MAGI2: variants seen among roughly 807,000 people sequenced by gnomAD.
The protein encoded by MAGI2 is membrane associated guanylate kinase, WW and PDZ domain containing 2.
MAGI2 carries 35 observed loss-of-function variants against 133.3 expected under a neutral mutation model. The ratio of observed to expected loss-of-function variants is 0.26; its 90% CI spans 0.20 to 0.35. The LOEUF is 0.35. Ranked by LOEUF, MAGI2 falls within the 10% of genes least tolerant of loss-of-function variation. The probability of loss-of-function intolerance (pLI) is 1.00; values close to 1 mark genes in which losing one functional copy is unlikely to be tolerated. For missense variants in MAGI2, 1,636 were observed against 1,863.4 expected (o/e 0.88, Z 2.25); for synonymous variants, 729 against 710.6 (o/e 1.03, Z -0.41).
intron 1 of MAGI2, among the ~76,000 whole-genome samples, chr7:79,193,079 C>T (rs1037042112): frequency 1.3e-5 from 2 of 151,886 alleles, no homozygotes; most frequent in African/African-American, 2.4e-5. Context: ...CCACAAAGTG[C>T]TGGGATTACA....
At chr7:78,277,256 A>G (rs1210982630) in intron 9 of MAGI2, among the ~76,000 whole-genome samples, 1 of 152,230 alleles carries the variant, frequency 6.6e-6, no homozygotes, top group African/African-American at 2.4e-5. Context: ...ATCATAATTT[A>G]TTATGATTCA....
intron 6 of MAGI2, among the ~76,000 whole-genome samples, chr7:78,437,685 A>T (rs1470143861): frequency 6.6e-6 from 1 of 152,192 alleles, no homozygotes; most frequent in Non-Finnish European, 1.5e-5. Flanking sequence ...GAGCCCTAGG[A>T]ATAAATTTCA....
At chr7:79,276,881 C>T (rs1835266207) in intron 1 of MAGI2, among the ~76,000 whole-genome samples, 1 of 152,010 alleles carries the variant, frequency 6.6e-6, no homozygotes, top group African/African-American at 2.4e-5. Context: ...AGGAGGATTG[C>T]TTGAGCCAAG....
At chr7:78,222,933 T>C (rs1788976551) in intron 10 of MAGI2, among the ~76,000 whole-genome samples, 1 of 152,114 alleles carries the variant, frequency 6.6e-6, no homozygotes, top group African/African-American at 2.4e-5. Flanking sequence ...ACCACACCCA[T>C]AAAAGTTACC....
chr7:78,699,782 G>A (rs1817881255), intron 2 of MAGI2, among the ~76,000 whole-genome samples: 1 of 151,878 alleles, frequency 6.6e-6, no homozygotes, highest in Non-Finnish European at 1.5e-5. Flanking sequence ...GAAATTTCTT[G>A]TCTTTAGTTT....
chr7:78,382,610 T>C (rs1034496163), intron 6 of MAGI2, among the ~76,000 whole-genome samples: 10 of 152,110 alleles, frequency 6.6e-5, no homozygotes, highest in African/African-American at 2.2e-4. Context: ...ATATAATGCA[T>C]AGTGATCAAG....
intron 1 of MAGI2, among the ~76,000 whole-genome samples, chr7:79,113,813 C>CACAT (rs1475711073): frequency 6.7e-6 from 1 of 149,942 alleles, no homozygotes; most frequent in East Asian, 2.0e-4. Flanking sequence ...CACACGCTTA[C>CACAT]ACACACACAC....
At chr7:78,297,816 CTG>C (rs1797422601) in intron 9 of MAGI2, among the ~76,000 whole-genome samples, 2 of 111,464 alleles carry the variant, frequency 1.8e-5, no homozygotes, top group Admixed American at 1.2e-4. Context: ...ATATCACACT[CTG>C]GGGACTGTTG....
chr7:78,353,142 T>C (rs1221920186), intron 7 of MAGI2, among the ~76,000 whole-genome samples: 3 of 152,232 alleles, frequency 2.0e-5, no homozygotes, highest in Non-Finnish European at 4.4e-5. Flanking sequence ...TGCTTCTAGA[T>C]TGAGTGAAAG....
intron 6 of MAGI2, among the ~76,000 whole-genome samples, chr7:78,375,796 TTG>T (rs1491070795): frequency 6.6e-6 from 1 of 151,334 alleles, no homozygotes; most frequent in Non-Finnish European, 1.5e-5. Context: ...CTAAATTTTC[TTG>T]TAAAAGTTAT....
intron 1 of MAGI2, among the ~76,000 whole-genome samples, chr7:79,368,705 G>C (rs958472300): frequency 1.2e-4 from 18 of 151,222 alleles, no homozygotes; most frequent in African/African-American, 4.4e-4. Context: ...AAAATTAGCC[G>C]GGCGTAGTGG....
intron 6 of MAGI2, among the ~76,000 whole-genome samples, chr7:78,400,456 G>A (rs1410638971): frequency 6.6e-6 from 1 of 152,082 alleles, no homozygotes; most frequent in African/African-American, 2.4e-5. Context: ...GTACAGATCT[G>A]ATTTTTAAAT....
chr7:78,755,091 T>C (rs1823815161), intron 2 of MAGI2, among the ~76,000 whole-genome samples: 1 of 152,220 alleles, frequency 6.6e-6, no homozygotes, highest in Non-Finnish European at 1.5e-5. Flanking sequence ...ATGTTCCACA[T>C]ATTATTACTT....
intron 2 of MAGI2, among the ~76,000 whole-genome samples, chr7:78,888,789 C>T (rs6949627): frequency 0.49 from 74,105 of 151,860 alleles, 19,621 homozygotes; most frequent in South Asian, 0.68. Flanking sequence ...AAAAACAGAG[C>T]AGAAAAACTG....
intron 9 of MAGI2, among the ~76,000 whole-genome samples, chr7:78,313,341 T>C (rs1798881692): frequency 6.6e-6 from 1 of 151,726 alleles, no homozygotes; most frequent in Admixed American, 6.6e-5. Context: ...CCTAAATATA[T>C]AAAAATAAAA....
chr7:78,019,509 G>A lies in MAGI2; in HGVS notation c.4174C>T (p.Pro1392Ser), dbSNP rs960809969. The A allele has an allele frequency of 1.2e-4, 122 of 980,086 alleles. No homozygotes were observed. The highest frequency in any genetic ancestry group is 2.5e-4 in the Admixed American group (4 of 15,700). 60.7% of individuals were successfully genotyped at this position (980,086 alleles called of 1,614,324 possible). A position where few individuals can be genotyped will look rare whatever the true frequency, so the allele number is the denominator to read the frequency against. Reference protein sequence around the residue: ...GPGAAPAFAGPGGGGSGALEA... With the variant: ...GPGAAPAFAGSGGGGSGALEA... ...AGCGCGCCGCTGCCGCCGCCGCCCG[G>A]GCCGGCAAACGCCGGCGCAGCCCCC... The change falls in exon 22 of 22, where the codon CCG becomes TCG. Residue 1392 changes from proline to serine, a missense_variant. By Grantham distance (74) the Pro-to-Ser change is moderately conservative (BLOSUM62 -1). Around this residue, in one of 5 missense-constraint regions of MAGI2, gnomAD observed 354 missense variants for 298.7 expected, o/e 1.19. Coordinates refer to ENST00000354212, the MANE Select transcript of MAGI2 (RefSeq NM_012301.4).
intron 1 of MAGI2, among the ~76,000 whole-genome samples, chr7:79,055,555 CT>C (rs529654560): frequency 0.019 from 2,735 of 144,328 alleles, 29 homozygotes; most frequent in South Asian, 0.067. Flanking sequence ...ATAGAACACA[CT>C]TTTTTTTTTT....
At chr7:79,418,390 G>A (rs965511913) in intron 1 of MAGI2, among the ~76,000 whole-genome samples, 9 of 152,020 alleles carry the variant, frequency 5.9e-5, no homozygotes, top group Non-Finnish European at 1.2e-4. Flanking sequence ...GCAGTTCAAC[G>A]GGGATAACTC....
At position 78,704,803 on chromosome 7, in the gene MAGI2, C is replaced by T. The variant is rs549676760; in HGVS notation, c.419-77564G>A. ...CTTTTTTTTTTTTTTTTTTCTGAAA[C>T]GGAGTTTTACTCTGTTGCCCAGGCT... On this transcript the variant is annotated intron_variant, in intron 2 of 21. Transcript: ENST00000354212. Among the ~76,000 whole-genome samples the T allele has an allele frequency of 9.2e-3, 189 of 20,514 alleles. 1 individual carries two copies. The highest frequency in any genetic ancestry group is 0.043 in the African/African-American group (173 of 4,054). 13.5% of individuals were successfully genotyped at this position (20,514 alleles called of 152,430 possible). A position where few individuals can be genotyped will look rare whatever the true frequency, so the allele number is the denominator to read the frequency against.
Sources: allele counts gnomAD v4.1 joint callset (sites outside exome capture counted in the v4.1 genomes callset), GRCh38; gene constraint gnomAD v4.1.1; regional missense constraint gnomAD v4.1.1; transcripts MANE v1.5; gene names NCBI Gene and HGNC (gene_info 2026-07-23, HGNC 2026-07-21).